The following XXYLT1 variants were observed in gnomAD, a reference collection of about 807,000 sequenced individuals.
The protein encoded by XXYLT1 is xyloside xylosyltransferase 1.
A neutral mutation model predicts 28.9 loss-of-function variants in XXYLT1; 20 were observed. The ratio of observed to expected loss-of-function variants is 0.69; its 90% confidence interval spans 0.49 to 1.00. The LOEUF (loss-of-function observed/expected upper bound fraction) is 1.00. Among genes scored for constraint, XXYLT1 ranks in the 50% least tolerant of loss-of-function variants. The probability of loss-of-function intolerance (pLI) is 0.00; values close to 1 mark genes in which losing one functional copy is unlikely to be tolerated. For synonymous variants in XXYLT1, 257 were observed against 253.8 expected, an observed-to-expected ratio of 1.01 and a Z score of -0.12; for missense variants, 542 against 560.1, an observed-to-expected ratio of 0.97 and a Z score of 0.33.
intron 1 of XXYLT1, among the ~76,000 whole-genome samples, chr3:195,267,929 CATTT>C (rs1167701300): frequency 1.3e-5 from 2 of 151,982 alleles, no homozygotes; most frequent in African/African-American, 2.4e-5. Flanking sequence ...TAGAATCGCA[CATTT>C]AAAGGAAAAA....
At chr3:195,259,557 G>C (rs1029131574) in intron 1 of XXYLT1, 1 of 985,246 alleles carries the variant, frequency 1.0e-6, no homozygotes, top group African/African-American at 1.7e-5. Context: ...TCCTCCCAGG[G>C]AGAGGCCTCC....
intron 2 of XXYLT1, among the ~76,000 whole-genome samples, chr3:195,206,168 G>A (rs1444467806): frequency 1.3e-5 from 2 of 150,900 alleles, no homozygotes; most frequent in African/African-American, 4.9e-5. Context: ...CCACCACCAC[G>A]CCCAGCTAAT....
chr3:195,253,551 T>C (rs1253525889), intron 1 of XXYLT1, among the ~76,000 whole-genome samples: 1 of 145,362 alleles, frequency 6.9e-6, no homozygotes, highest in African/African-American at 2.6e-5. Flanking sequence ...CAGGCTGGAG[T>C]GCAGTGTTGT....
intron 1 of XXYLT1, among the ~76,000 whole-genome samples, chr3:195,258,698 T>G (rs546113737): frequency 6.6e-6 from 1 of 152,310 alleles, no homozygotes; most frequent in South Asian, 2.1e-4. Flanking sequence ...ATGAGCCTCT[T>G]CCTTCCAGCA....
At chr3:195,117,725 T>C (rs951109623) in intron 3 of XXYLT1, among the ~76,000 whole-genome samples, 2 of 152,178 alleles carry the variant, frequency 1.3e-5, no homozygotes, top group African/African-American at 4.8e-5. Context: ...TTTCCCTCTG[T>C]GGTGCCTGCC....
At chr3:195,268,233 C>A (rs1725902172) in intron 1 of XXYLT1, among the ~76,000 whole-genome samples, 1 of 151,932 alleles carries the variant, frequency 6.6e-6, no homozygotes, top group African/African-American at 2.4e-5. Context: ...AATTTGAGAC[C>A]AGCCTGGCCA....
chr3:195,163,446 C>T (rs1720970829), intron 2 of XXYLT1, among the ~76,000 whole-genome samples: 1 of 152,206 alleles, frequency 6.6e-6, no homozygotes, highest in Non-Finnish European at 1.5e-5. Context: ...CTGCCCTTGG[C>T]CCTGCACTCT....
rs994877251 is a variant in XXYLT1 at position 195,240,414 on chromosome 3, C to A, written c.505-13558G>T. On this transcript the variant is annotated intron_variant, in intron 1 of 3. Coordinates refer to ENST00000310380, the MANE Select transcript of XXYLT1 (RefSeq NM_152531.5). This position sits in a 1 kb window ranked among gnomAD's most constrained non-coding sequence, Gnocchi z 4.7. ...AGCCAGGCCACCGCTCCTCTAAACACTCCCTGGGGACATAAACTCAGGCCA... is the reference window on the plus strand; with the variant it reads ...AGCCAGGCCACCGCTCCTCTAAACAATCCCTGGGGACATAAACTCAGGCCA... Among the ~76,000 whole-genome samples the A allele has an allele frequency of 3.3e-5, 5 of 152,242 alleles. No individual in the cohort carries two copies. The highest frequency in any genetic ancestry group is 1.2e-4 in the African/African-American group (5 of 41,464).
At chr3:195,157,264 A>AC (rs1720651907) in intron 2 of XXYLT1, among the ~76,000 whole-genome samples, 1 of 143,188 alleles carries the variant, frequency 7.0e-6, no homozygotes, top group African/African-American at 2.5e-5. Context: ...AAAAAAAAAA[A>AC]AACCCTCAAA....
At chr3:195,097,057 C>A (rs561824047) in intron 3 of XXYLT1, among the ~76,000 whole-genome samples, 2 of 152,360 alleles carry the variant, frequency 1.3e-5, no homozygotes, top group South Asian at 2.1e-4. Context: ...GCTCCCCTGG[C>A]GTCCCTCTGC....
Position 195,256,914 on chromosome 3 carries a change from C to T in XXYLT1, c.504+13641G>A, listed in dbSNP as rs1725499715. Among the ~76,000 whole-genome samples the T allele has an allele frequency of 6.6e-6, 1 of 152,164 alleles. No individual in the cohort carries two copies. Among genetic ancestry groups the T allele is most frequent in the South Asian group, 2.1e-4 (1 of 4,830 alleles). On this transcript the variant is annotated intron_variant, in intron 1 of 3. Coordinates refer to ENST00000310380, the MANE Select transcript of XXYLT1 (RefSeq NM_152531.5). The surrounding 1 kb of genome is among the most constrained non-coding windows in gnomAD (Gnocchi z 4.2). ...GACCAAGCAACCTTCCCAGGGCTCT[C>T]AGGTAAGGGAGACAAGTGAAGCCCC... is the stretch of plus-strand genomic sequence containing the variant.
intron 2 of XXYLT1, chr3:195,175,887 G>A: frequency 7.1e-7 from 1 of 1,403,446 alleles, no homozygotes; most frequent in Non-Finnish European, 9.2e-7. Context: ...TGACATTTGT[G>A]TGGGAAAGAA....
intron 2 of XXYLT1, chr3:195,183,458 C>G (rs138936721): frequency 1.3e-5 from 2 of 152,284 alleles, no homozygotes; most frequent in African/African-American, 4.8e-5. Context: ...GTCGAAACCT[C>G]TTTCATTTAT....
intron 3 of XXYLT1, among the ~76,000 whole-genome samples, chr3:195,096,650 TCTC>T (rs60394961): frequency 0.06 from 8,754 of 146,452 alleles, 367 homozygotes; most frequent in East Asian, 0.21. Context: ...AACCATTCCT[TCTC>T]CTCCTCAGGC....
At chr3:195,186,497 C>T (rs563321983) in intron 2 of XXYLT1, among the ~76,000 whole-genome samples, 16 of 152,258 alleles carry the variant, frequency 1.1e-4, no homozygotes, top group African/African-American at 3.9e-4. Context: ...ACCCACAAAG[C>T]TTTTCCACTC....
intron 2 of XXYLT1, among the ~76,000 whole-genome samples, chr3:195,172,832 C>T (rs141252702): frequency 6.6e-6 from 1 of 152,194 alleles, no homozygotes; most frequent in African/African-American, 2.4e-5. Flanking sequence ...GGAAAGAGGG[C>T]AAAGGGAGTC....
chr3:195,148,639 A>G (rs1720005682), intron 3 of XXYLT1, among the ~76,000 whole-genome samples: 1 of 152,214 alleles, frequency 6.6e-6, no homozygotes. Flanking sequence ...TCAGCCATAA[A>G]GCCTTCCAGA....
At chr3:195,254,445 T>C (rs1725398979) in intron 1 of XXYLT1, among the ~76,000 whole-genome samples, 1 of 152,240 alleles carries the variant, frequency 6.6e-6, no homozygotes, top group Non-Finnish European at 1.5e-5. Context: ...CAGAGCCCTC[T>C]GCAGGCTCAG....
intron 2 of XXYLT1, among the ~76,000 whole-genome samples, chr3:195,202,176 C>CA (rs894194223): frequency 5.3e-5 from 8 of 149,944 alleles, no homozygotes; most frequent in African/African-American, 9.8e-5. Context: ...GACTCCGTCT[C>CA]AAAAAAAAAG....
Sources: allele counts gnomAD v4.1 joint callset (sites outside exome capture counted in the v4.1 genomes callset), GRCh38; gene constraint gnomAD v4.1.1; non-coding constraint Gnocchi (gnomAD v3.1); transcripts MANE v1.5; gene names NCBI Gene and HGNC (gene_info 2026-07-23, HGNC 2026-07-21).